SP3: variants seen among roughly 807,000 people sequenced by gnomAD.
The protein encoded by SP3 is Sp3 transcription factor.
A neutral mutation model predicts 70.3 loss-of-function variants in SP3; 10 were observed. The ratio of observed to expected loss-of-function variants is 0.14; its 90% confidence interval spans 0.09 to 0.24. The LOEUF is 0.24. Ranked by LOEUF, SP3 falls within the 10% of genes least tolerant of loss-of-function variation. SP3 has a pLI of 1.00. For synonymous variants in SP3, 402 were observed against 333.5 expected (o/e 1.21, Z -2.24); for missense variants, 825 against 914.6 (o/e 0.90, Z 1.26).
chr2:173,914,419 A>T (rs1198182877), intron 5 of SP3: 3 of 152,092 alleles, frequency 2.0e-5, no homozygotes, highest in Admixed American at 6.5e-5. Flanking sequence ...TTACTGGAAA[A>T]ATGCATATTT....
At chr2:173,943,077 A>G (rs777800374) in intron 4 of SP3, among the ~76,000 whole-genome samples, 2 of 152,016 alleles carry the variant, frequency 1.3e-5, no homozygotes, top group Admixed American at 6.6e-5. Flanking sequence ...CCAATGCCCA[A>G]TGGATACTGA....
Position 173,918,744 on chromosome 2 carries a change from G to T in SP3, c.1681C>A (p.Gln561Lys). ...KEEEPDPEEWQLSGDSTLNTN... is the reference protein window; with the variant it reads ...KEEEPDPEEWKLSGDSTLNTN... Reference sequence around the variant, plus strand: ...TTCAAGGTAGAATCACCACTGAGCTGCCACTCTTCAGGATCAGGTTCTTCT... The same window carrying T: ...TTCAAGGTAGAATCACCACTGAGCTTCCACTCTTCAGGATCAGGTTCTTCT... Residue 561 changes from glutamine to lysine, a missense_variant, in exon 5 of 7, where the codon CAG becomes AAG. Around this residue, in one of 4 missense-constraint regions of SP3, gnomAD observed 678 missense variants for 651.6 expected, o/e 1.04. Transcript: ENST00000310015. The T allele has an allele frequency of 6.2e-7, 1 of 1,612,750 alleles. No individual in the cohort carries two copies. The highest frequency in any genetic ancestry group is 1.1e-5 in the South Asian group (1 of 90,874).
At chr2:173,935,320 C>T (rs929094223) in intron 4 of SP3, among the ~76,000 whole-genome samples, 1 of 152,164 alleles carries the variant, frequency 6.6e-6, no homozygotes, top group African/African-American at 2.4e-5. Flanking sequence ...CAGAGGTTAT[C>T]ACCTCTGCTA....
intron 4 of SP3, among the ~76,000 whole-genome samples, chr2:173,952,582 T>C (rs1342917813): frequency 1.3e-5 from 2 of 152,102 alleles, no homozygotes; most frequent in Non-Finnish European, 2.9e-5. Flanking sequence ...AAGAAAACAT[T>C]TCCACACAAA....
intron 2 of SP3, 63 bp downstream of exon 2, chr2:173,964,342 G>A (rs1430014010): frequency 6.2e-6 from 4 of 641,686 alleles, no homozygotes; most frequent in Non-Finnish European, 1.1e-5. Context: ...AGGGAGGGGA[G>A]AGGCGAGGGG....
rs148493214 is a variant in SP3, at chr2:173,961,103, T to C, written c.279+2658A>G. Among the ~76,000 whole-genome samples the C allele has an allele frequency of 6.8e-3, 1,033 of 152,350 alleles. 16 individuals carry two copies. Among genetic ancestry groups the C allele is most frequent in the African/African-American group, 0.024 (984 of 41,582 alleles). On this transcript the variant is annotated intron_variant, in intron 3 of 6. Coordinates refer to ENST00000310015, the MANE Select transcript of SP3 (RefSeq NM_003111.5). ...AGTTAATACTTGCACAAAGGTCTACTTTTTTCTATTTCCTGGTTTACTACT... is the reference window on the plus strand; with the variant it reads ...AGTTAATACTTGCACAAAGGTCTACCTTTTTCTATTTCCTGGTTTACTACT...
At chr2:173,959,749 G>C (rs1691004427) in intron 3 of SP3, among the ~76,000 whole-genome samples, 1 of 152,112 alleles carries the variant, frequency 6.6e-6, no homozygotes, top group South Asian at 2.1e-4. Flanking sequence ...GCGAGACTCA[G>C]TCTCAAAAAA....
At chr2:173,964,648 C>T (rs1046122928) in intron 1 of SP3, 95 bp from the exon 2 acceptor site, 16 of 582,446 alleles carry the variant, frequency 2.7e-5, no homozygotes, top group Middle Eastern at 4.4e-4. Context: ...CTCCCAAAGC[C>T]CGGACCCAGG....
At chr2:173,950,344 T>G (rs1203209105) in intron 4 of SP3, among the ~76,000 whole-genome samples, 2 of 152,064 alleles carry the variant, frequency 1.3e-5, no homozygotes, top group Admixed American at 1.3e-4. Flanking sequence ...TACTTTCTCC[T>G]TTATTTTGGG....
At position 173,903,206 on chromosome 2, in the gene SP3, C is replaced by T. The variant is rs1172375490; in HGVS notation, c.*6735G>A. Among the ~76,000 whole-genome samples the T allele has an allele frequency of 6.6e-6, 1 of 152,182 alleles. No individual in the cohort carries two copies. Among genetic ancestry groups the T allele is most frequent in the Non-Finnish European group, 1.5e-5 (1 of 68,036 alleles). On this transcript the variant is annotated 3_prime_UTR_variant, in exon 7 of 7. Coordinates refer to ENST00000310015, the MANE Select transcript of SP3 (RefSeq NM_003111.5). ...CTTCCAGTGCTTACATTTACTAATA[C>T]ATAATATAATATGTGCCAGGCATTA...
intron 4 of SP3, among the ~76,000 whole-genome samples, chr2:173,938,517 C>T (rs892963628): frequency 2.7e-5 from 4 of 147,216 alleles, no homozygotes; most frequent in African/African-American, 5.0e-5. Flanking sequence ...TTACACATTT[C>T]CACACAAATC....
rs1230717140 is a variant in SP3 at position 173,904,093 on chromosome 2, C to T, written c.*5848G>A. ...GGGCACTACCTAGATCCCTCGCATG[C>T]GGGGTTCACAACGGGGTTCGCACTC... On this transcript the variant is annotated 3_prime_UTR_variant, in exon 7 of 7. Coordinates refer to ENST00000310015, the MANE Select transcript of SP3 (RefSeq NM_003111.5). Among the ~76,000 whole-genome samples, 3 of 152,066 alleles carry T rather than the reference C, an allele frequency of 2.0e-5. No homozygotes were observed. Among genetic ancestry groups the T allele is most frequent in the East Asian group, 1.9e-4 (1 of 5,186 alleles).
chr2:173,952,230 A>T (rs567888359), intron 4 of SP3, among the ~76,000 whole-genome samples: 3 of 152,104 alleles, frequency 2.0e-5, no homozygotes, highest in Non-Finnish European at 4.4e-5. Flanking sequence ...CAACTCACAG[A>T]ACTGCATAAC....
At chr2:173,958,799 C>T (rs1690973526) in intron 3 of SP3, among the ~76,000 whole-genome samples, 1 of 150,674 alleles carries the variant, frequency 6.6e-6, no homozygotes, top group Non-Finnish European at 1.5e-5. Context: ...AAGCTCAGAA[C>T]TGAGTTCTAG....
intron 1 of SP3, 137 bp downstream of exon 1, chr2:173,965,028 G>A (rs1691247080): frequency 1.7e-6 from 2 of 1,164,312 alleles, no homozygotes; most frequent in Non-Finnish European, 2.4e-6. Flanking sequence ...GCGCAGGGGA[G>A]TGCAGCTTTC....
chr2:173,956,373 T>C (rs1297942001), intron 3 of SP3, 141 bp from the exon 4 acceptor site: 2 of 800,804 alleles, frequency 2.5e-6, no homozygotes, highest in Non-Finnish European at 3.8e-6. Flanking sequence ...ACAGGAGCAG[T>C]ACTATATGAA....
rs534502032 is a variant in SP3 at position 173,961,362 on chromosome 2, A to G, written c.279+2399T>C. Among the ~76,000 whole-genome samples, 4 of 152,296 alleles carry G rather than the reference A, an allele frequency of 2.6e-5. No individual in the cohort carries two copies. In the East Asian group the frequency reaches 7.7e-4, roughly 29 times the overall value. On this transcript the variant is annotated intron_variant, in intron 3 of 6. Transcript: ENST00000310015. ...TGATTGGCTTTTCAAGGCCCTTTTAATCTCAAAATACCAAGCTAAACTGGC... is the reference window on the plus strand; with the variant it reads ...TGATTGGCTTTTCAAGGCCCTTTTAGTCTCAAAATACCAAGCTAAACTGGC...
At position 173,909,870 on chromosome 2, in the gene SP3, A is replaced by G; in HGVS notation, c.*71T>C. 1 of 1,478,654 alleles carries G rather than the reference A, an allele frequency of 6.8e-7. No individual in the cohort carries two copies. The highest frequency in any genetic ancestry group is 9.2e-7 in the Non-Finnish European group (1 of 1,089,652). The allele number at this position is 1,478,654 out of a possible 1,614,324, so 91.6% of individuals were successfully genotyped here. On this transcript the variant is annotated 3_prime_UTR_variant, in exon 7 of 7. Transcript: ENST00000310015. ...TTGCACATCAATAAAAAGATATCTA[A>G]GAACTTAGGAACAATATTCTTCTCA... is the stretch of plus-strand genomic sequence containing the variant.
At position 173,918,793 on chromosome 2, in the gene SP3, G is replaced by T; in HGVS notation, c.1640-8C>A. The T allele has an allele frequency of 6.4e-7, 1 of 1,555,384 alleles. No individual in the cohort carries two copies. Among genetic ancestry groups the T allele is most frequent in the Non-Finnish European group, 8.7e-7 (1 of 1,151,574 alleles). On this transcript the variant is annotated splice_region_variant and splice_polypyrimidine_tract_variant and intron_variant, in intron 4 of 6. Coordinates refer to ENST00000310015, the MANE Select transcript of SP3 (RefSeq NM_003111.5). Reference sequence around the variant, plus strand: ...CTTCCTTGATCCTAATATCTAAAGGGAAAAAAAAACCAAATACAGATGAGA... The same window carrying T: ...CTTCCTTGATCCTAATATCTAAAGGTAAAAAAAAACCAAATACAGATGAGA...
Sources: allele counts gnomAD v4.1 joint callset (sites outside exome capture counted in the v4.1 genomes callset), GRCh38; gene constraint gnomAD v4.1.1; regional missense constraint gnomAD v4.1.1; transcripts MANE v1.5; gene names NCBI Gene and HGNC (gene_info 2026-07-23, HGNC 2026-07-21).